The following KDM2A variants were observed in gnomAD, a reference collection of about 807,000 sequenced individuals.
KDM2A encodes the protein lysine demethylase 2A, also known as lysine-specific demethylase 2A.
KDM2A carries 3 observed loss-of-function variants against 137.3 expected under a neutral mutation model. The ratio of observed to expected loss-of-function variants is 0.02; its 90% CI spans 0.01 to 0.06. The LOEUF is 0.06. Ranked by LOEUF, KDM2A falls within the 10% of genes least tolerant of loss-of-function variation. The probability of loss-of-function intolerance (pLI) is 1.00; values close to 1 mark genes in which losing one functional copy is unlikely to be tolerated. For synonymous variants in KDM2A, 512 were observed against 541.5 expected (o/e 0.95, Z 0.76); for missense variants, 738 against 1,510.6 (o/e 0.49, Z 8.48).
chr11:67,240,238 G>C, intron 12 of KDM2A: 1 of 1,535,628 alleles, frequency 6.5e-7, no homozygotes, highest in Non-Finnish European at 8.7e-7. Flanking sequence ...GAATATTCAA[G>C]TAAATCCGGA....
chr11:67,169,648 T>G (rs1204536737), intron 2 of KDM2A, among the ~76,000 whole-genome samples: 1 of 151,814 alleles, frequency 6.6e-6, no homozygotes, highest in Admixed American at 6.6e-5. Context: ...AGTGCTGAGA[T>G]TATAGGCATG....
chr11:67,242,268 G>T (rs1204009542), intron 12 of KDM2A, among the ~76,000 whole-genome samples: 2 of 104,774 alleles, frequency 1.9e-5, no homozygotes, highest in African/African-American at 8.7e-5. Context: ...CAGACTCTGT[G>T]GGTGTGTGTA....
At chr11:67,220,196 G>A (rs1169975659) in intron 10 of KDM2A, among the ~76,000 whole-genome samples, 1 of 151,906 alleles carries the variant, frequency 6.6e-6, no homozygotes, top group African/African-American at 2.4e-5. Context: ...GTATTTTTTG[G>A]AGATGGGTTT....
rs11227739 is a variant in KDM2A, at chr11:67,217,923, T to C, written c.841+39T>C. ...GAAGAGTGGGTTATTTAGCCATTTT[T>C]TTCCTTAATGAAAAAGAAATTGATG... is the stretch of plus-strand genomic sequence containing the variant. On this transcript the variant is annotated intron_variant, in intron 9 of 20. Coordinates refer to ENST00000529006, the MANE Select transcript of KDM2A (RefSeq NM_012308.3). The C allele has an allele frequency of 0.016, 24,315 of 1,522,264 alleles. 3,432 individuals are homozygous for C. In the African/African-American group the frequency reaches 0.3, roughly 19 times the overall value. The allele number at this position is 1,522,264 out of a possible 1,614,324, so 94.3% of individuals were successfully genotyped here. A position where few individuals can be genotyped will look rare whatever the true frequency, so the allele number is the denominator to read the frequency against.
In KDM2A at chr11:67,245,534, G is replaced by C; in HGVS notation, c.1833+76G>C. The C allele has an allele frequency of 6.7e-7, 1 of 1,493,522 alleles. No individual in the cohort carries two copies. The highest frequency in any genetic ancestry group is 9.2e-7 in the Non-Finnish European group (1 of 1,090,438). The allele number at this position is 1,493,522 out of a possible 1,614,324, so 92.5% of individuals were successfully genotyped here. On this transcript the variant is annotated intron_variant, in intron 14 of 20. Transcript: ENST00000529006. This position sits in a 1 kb window ranked among gnomAD's most constrained non-coding sequence, Gnocchi z 4.1. ...GGAACTGAAATACATATAGTGTAGA[G>C]TTAAAGAGACTTCAGAGTTGGAAAG...
intron 5 of KDM2A, among the ~76,000 whole-genome samples, chr11:67,187,543 A>T (rs996387801): frequency 5.5e-5 from 8 of 146,448 alleles, no homozygotes; most frequent in Admixed American, 1.3e-4. Flanking sequence ...AATTTATTTA[A>T]TTGATTTTAT....
rs777607633 is a variant in KDM2A, at chr11:67,250,531, G to C, written c.2501G>C (p.Arg834Pro). ...ASSANLRHSPRVLVQHCPART... is the reference protein window; with the variant it reads ...ASSANLRHSPPVLVQHCPART... ...TCTGCCAACCTTCGCCATTCCCCCC[G>C]TGTGCTAGTGCAGCACTGCCCAGCC... Residue 834 changes from arginine (R) to proline (P), a missense_variant, in exon 17 of 21, where the codon CGT (arginine) becomes CCT (proline). By Grantham distance (103) the Arg-to-Pro change is moderately radical. Around this residue, in one of 9 missense-constraint regions of KDM2A, gnomAD observed 244 missense variants for 324.6 expected, o/e 0.75. Coordinates refer to ENST00000529006, the MANE Select transcript of KDM2A (RefSeq NM_012308.3). The surrounding 1 kb of genome is among the most constrained non-coding windows in gnomAD (Gnocchi z 7.1). The C allele has an allele frequency of 6.2e-7, 1 of 1,613,842 alleles. No individual in the cohort carries two copies. Among genetic ancestry groups the C allele is most frequent in the Admixed American group, 1.7e-5 (1 of 60,016 alleles).
In KDM2A at chr11:67,181,390, C is replaced by T. The variant is rs762876792; in HGVS notation, c.252C>T (p.Leu84=). The T allele has an allele frequency of 1.6e-5, 25 of 1,609,178 alleles. No homozygotes were observed. Among genetic ancestry groups the T allele is most frequent in the African/African-American group, 2.7e-5 (2 of 74,754 alleles). ...TGATTTTCAAGAATTCTGATGGACT[C>T]GGAATAAAGTAAGTGTTTTCAGCCT... ...DPLIFKNSDG[L]GIKMPDPDFT... The change falls in exon 4 of 21, where the codon CTC becomes CTT. Residue 84 remains leucine (L), a synonymous_variant. Coordinates refer to ENST00000529006, the MANE Select transcript of KDM2A (RefSeq NM_012308.3).
chr11:67,248,570 A>G (rs556652343), intron 16 of KDM2A, 200 bp downstream of exon 16: 71 of 520,986 alleles, frequency 1.4e-4, no homozygotes, highest in African/African-American at 1.4e-3. Flanking sequence ...GTTTTGTATT[A>G]CTAAATGTTG....
chr11:67,180,675 C>G (rs935010181), intron 3 of KDM2A, among the ~76,000 whole-genome samples: 1 of 151,502 alleles, frequency 6.6e-6, no homozygotes, highest in African/African-American at 2.4e-5. Context: ...TTTTTGGAGA[C>G]GGAGTCTTGC....
intron 5 of KDM2A, among the ~76,000 whole-genome samples, chr11:67,203,437 A>G (rs200549212): frequency 1.8e-5 from 2 of 109,608 alleles, no homozygotes; most frequent in South Asian, 6.5e-4. Flanking sequence ...ATAATAAATA[A>G]TATATTAATA....
Position 67,245,803 on chromosome 11 carries a change from GTCC to G in KDM2A, c.1834-176_1834-174del. On this transcript the variant is annotated intron_variant, in intron 14 of 20. Coordinates refer to ENST00000529006, the MANE Select transcript of KDM2A (RefSeq NM_012308.3). This position sits in a 1 kb window ranked among gnomAD's most constrained non-coding sequence, Gnocchi z 4.1. ...TAGTCTCTGGTGCCCAGGTGGTTGA[GTCC>G]TCCTCTTCCCCAGTCATTTTTCCTA... The G allele has an allele frequency of 4.3e-6, 3 of 693,514 alleles. No homozygotes were observed. The highest frequency in any genetic ancestry group is 4.0e-5 in the South Asian group (2 of 50,288). The allele number at this position is 693,514 out of a possible 1,614,324, so 43.0% of individuals were successfully genotyped here.
chr11:67,217,811 C>T lies in KDM2A; in HGVS notation c.768C>T (p.Ile256=). The change falls in exon 9 of 21, where the codon ATC becomes ATT. Residue 256 remains isoleucine (I), a synonymous_variant. Coordinates refer to ENST00000529006, the MANE Select transcript of KDM2A (RefSeq NM_012308.3). The part of the protein sequence containing the change: ...NWLLSGKQGD[I]FLGDRVSDCQ... ...TGCTGTCAGGGAAACAGGGAGACAT[C>T]TTTCTGGGTGACCGGGTATCAGATT... 1 of 1,613,456 alleles carries T rather than the reference C, an allele frequency of 6.2e-7. No homozygotes were observed. Among genetic ancestry groups the T allele is most frequent in the Non-Finnish European group, 8.5e-7 (1 of 1,179,706 alleles).
At chr11:67,214,891 A>G (rs966529761) in intron 6 of KDM2A, among the ~76,000 whole-genome samples, 9 of 152,250 alleles carry the variant, frequency 5.9e-5, no homozygotes, top group Non-Finnish European at 1.3e-4. Flanking sequence ...GCAAGGCTAT[A>G]AATCTATACT....
At position 67,250,742 on chromosome 11, in the gene KDM2A, C is replaced by T. The variant is rs1195871750; in HGVS notation, c.2712C>T (p.Tyr904=). The change falls in exon 17 of 21, where the codon TAC becomes TAT. Residue 904 remains tyrosine (Y), a synonymous_variant. Coordinates refer to ENST00000529006, the MANE Select transcript of KDM2A (RefSeq NM_012308.3). The surrounding 1 kb of genome is among the most constrained non-coding windows in gnomAD (Gnocchi z 7.1). ...QREVWMSVFR[Y]LSRRELCECM... is the part of the protein sequence containing the mutation. ...AGGTCTGGATGTCTGTCTTCCGCTA[C>T]CTCAGCCGCAGAGAACTTTGTGAAT... 3 of 1,552,642 alleles carry T rather than the reference C, an allele frequency of 1.9e-6. No individual in the cohort carries two copies. Among genetic ancestry groups the T allele is most frequent in the African/African-American group, 2.7e-5 (2 of 73,256 alleles).
chr11:67,147,723 G>A (rs1856287354), intron 2 of KDM2A, among the ~76,000 whole-genome samples: 1 of 151,116 alleles, frequency 6.6e-6, no homozygotes, highest in South Asian at 2.1e-4. Flanking sequence ...TGTCGCCTGA[G>A]CTGGAGTGCA....
At chr11:67,145,857 C>CT (rs1281564422) in intron 2 of KDM2A, among the ~76,000 whole-genome samples, 1 of 150,888 alleles carries the variant, frequency 6.6e-6, no homozygotes, top group Non-Finnish European at 1.5e-5. Context: ...CAGGTTTCAG[C>CT]TTAAGTGTTA....
At chr11:67,159,690 A>G (rs751975510) in intron 2 of KDM2A, among the ~76,000 whole-genome samples, 5 of 152,202 alleles carry the variant, frequency 3.3e-5, no homozygotes, top group Non-Finnish European at 7.3e-5. Context: ...TATTTGACTC[A>G]ATATTTGTCA....
intron 10 of KDM2A, 26 bp downstream of exon 10, chr11:67,219,429 A>G (rs766922545): frequency 3.2e-5 from 42 of 1,326,006 alleles, no homozygotes; most frequent in Admixed American, 9.8e-5. Flanking sequence ...TAACAGTTGC[A>G]TGTGAAGAGG....
Sources: gnomAD v4.1 joint callset for allele counts (sites outside exome capture counted in the v4.1 genomes callset) on GRCh38, gnomAD v4.1.1 for gene constraint, gnomAD v4.1.1 regional missense constraint, Gnocchi (gnomAD v3.1) non-coding constraint, MANE v1.5 for transcripts, NCBI Gene and HGNC (gene_info 2026-07-23, HGNC 2026-07-21) for gene names.